Variants in NRXN2 observed in about 807,000 individuals in gnomAD.
The protein encoded by NRXN2 is neurexin-2-beta.
In NRXN2, 29 loss-of-function variants were observed where a neutral mutation model predicts 128.8. The observed-to-expected ratio is 0.23, with a 90% CI of 0.17 to 0.31. The LOEUF (loss-of-function observed/expected upper bound fraction) is 0.31, where lower values mean the gene tolerates loss of function less well. Among genes scored for constraint, NRXN2 ranks in the 10% least tolerant of loss-of-function variants. The pLI is 1.00. For missense variants in NRXN2, 1,881 were observed against 2,452.6 expected (o/e 0.77, Z 4.92); for synonymous variants, 1,098 against 1,075.2 (o/e 1.02, Z -0.41).
chr11:64,697,726 C>G (rs2054761480), intron 3 of NRXN2, 49 bp downstream of exon 3: 1 of 1,610,360 alleles, frequency 6.2e-7, no homozygotes, highest in Non-Finnish European at 8.5e-7. Flanking sequence ...CATGTAGGAT[C>G]CCCATGGCAA....
In NRXN2 at chr11:64,677,032, T is replaced by C. The variant is rs150055989; in HGVS notation, c.1158A>G (p.Ala386=). The C allele has an allele frequency of 1.7e-4, 252 of 1,482,524 alleles. No homozygotes were observed. In the African/African-American group the frequency reaches 3.5e-3, roughly 20 times the overall value. 91.8% of individuals were successfully genotyped at this position (1,482,524 alleles called of 1,614,324 possible). A position where few individuals can be genotyped will look rare whatever the true frequency, so the allele number is the denominator to read the frequency against. ...VRVTRNLRQH[A]GIGHAMVNKL... is the part of the protein sequence containing the mutation. The stretch of plus-strand genomic sequence containing the variant: ...TGTTTACCATAGCGTGTCCAATCCC[T>C]GCGTGCTTCACCGGAGATATGGGGG... The change falls in exon 7 of 23, where the codon GCA becomes GCG. Residue 386 remains alanine, a synonymous_variant. Coordinates refer to ENST00000265459, the MANE Select transcript of NRXN2 (RefSeq NM_015080.4).
At position 64,622,623 on chromosome 11, in the gene NRXN2, G is replaced by T. The variant is rs536594941; in HGVS notation, c.4173+130C>A. ...CCATCGCCATGGCAACAAAGTCAGC[G>T]ACAGCAGCCTTCAGGATCCCAACAG... On this transcript the variant is annotated intron_variant, in intron 21 of 22. Coordinates refer to ENST00000265459, the MANE Select transcript of NRXN2 (RefSeq NM_015080.4). The surrounding 1 kb of genome is among the most constrained non-coding windows in gnomAD (Gnocchi z 4.3). The T allele has an allele frequency of 1.5e-6, 2 of 1,348,124 alleles. No individual in the cohort carries two copies. Among genetic ancestry groups the T allele is most frequent in the Admixed American group, 2.1e-5 (1 of 46,760 alleles). The allele number at this position is 1,348,124 out of a possible 1,614,324, so 83.5% of individuals were successfully genotyped here.
intron 17 of NRXN2, among the ~76,000 whole-genome samples, chr11:64,646,878 G>C (rs1299001970): frequency 6.6e-6 from 1 of 152,210 alleles, no homozygotes; most frequent in Non-Finnish European, 1.5e-5. Context: ...AGCAGGTCAA[G>C]TAAGGAAAAT....
At chr11:64,650,302 G>T in intron 15 of NRXN2, 146 bp downstream of exon 15, 2 of 814,308 alleles carry the variant, frequency 2.5e-6, no homozygotes, top group Admixed American at 1.9e-5. Flanking sequence ...GAAGATGTCA[G>T]GCTGGACATA....
chr11:64,634,047 G>A (rs1450716087), intron 18 of NRXN2, among the ~76,000 whole-genome samples: 2 of 152,106 alleles, frequency 1.3e-5, no homozygotes, highest in Admixed American at 6.5e-5. Flanking sequence ...TGTAATGAAG[G>A]CCAGTGGCTG....
At position 64,635,950 on chromosome 11, in the gene NRXN2, C is replaced by T. The variant is rs528020604; in HGVS notation, c.3404-498G>A. 3.9e-4 allele frequency among the ~76,000 whole-genome samples: 60 copies of T among 152,224 alleles called. No homozygotes were observed. The highest frequency in any genetic ancestry group is 1.1e-3 in the Admixed American group (17 of 15,304). On this transcript the variant is annotated intron_variant, in intron 17 of 22. Transcript: ENST00000265459. The surrounding 1 kb of genome is among the most constrained non-coding windows in gnomAD (Gnocchi z 4.8). ...CAGAGCTGTGTGCAGCTCTGACTCACGGCCAGAGCTGGCGCCCTCCAACAT... is the reference window on the plus strand; with the variant it reads ...CAGAGCTGTGTGCAGCTCTGACTCATGGCCAGAGCTGGCGCCCTCCAACAT...
intron 3 of NRXN2, among the ~76,000 whole-genome samples, chr11:64,696,528 TACACACACACACACACAC>T (rs58158687): frequency 3.2e-3 from 443 of 138,860 alleles, no homozygotes; most frequent in Non-Finnish European, 5.7e-3. Context: ...CATACATACA[TACACACACACACACACAC>T]ACACACACAC....
intron 1 of NRXN2, among the ~76,000 whole-genome samples, chr11:64,719,119 T>C (rs527645996): frequency 3.2e-4 from 48 of 152,292 alleles, no homozygotes; most frequent in Non-Finnish European, 5.0e-4. Context: ...AAAAAGTGTG[T>C]CGTATTAATG....
At chr11:64,696,813 C>G (rs1427478664) in intron 3 of NRXN2, among the ~76,000 whole-genome samples, 2 of 152,180 alleles carry the variant, frequency 1.3e-5, no homozygotes, top group African/African-American at 4.8e-5. Context: ...CTCATGCCTG[C>G]TCTGCTGCCT....
At position 64,651,294 on chromosome 11, in the gene NRXN2, C is replaced by T; in HGVS notation, c.2879G>A (p.Gly960Asp). The T allele has an allele frequency of 6.2e-7, 1 of 1,614,176 alleles. No individual in the cohort carries two copies. The highest frequency in any genetic ancestry group is 8.5e-7 in the Non-Finnish European group (1 of 1,180,036). ...APDGLLLFNSGNGNDFIVIEL... is the reference protein window; with the variant it reads ...APDGLLLFNSDNGNDFIVIEL... ...GATGACAATGAAGTCATTGCCGTTG[C>T]CCGAGTTGAACAGAAGAAGCCCATC... Residue 960 changes from glycine (G) to aspartate (D), a missense_variant, in exon 14 of 23, where the codon GGC (glycine) becomes GAC (aspartate). Gly to Asp is a moderately conservative substitution (Grantham distance 94, BLOSUM62 -1). Transcript: ENST00000265459. This position sits in a 1 kb window ranked among gnomAD's most constrained non-coding sequence, Gnocchi z 5.9.
At chr11:64,652,981 C>T (rs2047693556) in intron 12 of NRXN2, among the ~76,000 whole-genome samples, 1 of 151,022 alleles carries the variant, frequency 6.6e-6, no homozygotes, top group Non-Finnish European at 1.5e-5. Flanking sequence ...ACATGAAGAG[C>T]AGGGCGCCCA....
Position 64,648,846 on chromosome 11 carries a change from G to C in NRXN2, c.3171C>G (p.Ala1057=). The C allele has an allele frequency of 1.2e-6, 2 of 1,614,212 alleles. No individual in the cohort carries two copies. Among genetic ancestry groups the C allele is most frequent in the Non-Finnish European group, 1.7e-6 (2 of 1,180,030 alleles). The part of the protein sequence containing the change: ...NMFSNLPKLV[A]SRDGFQGCLA... The stretch of plus-strand genomic sequence containing the variant: ...GGCAGCCCTGAAAGCCATCCCGGGA[G>C]GCCACCAGCTTGGGCAGGTTGCTGA... Residue 1057 remains alanine, a synonymous_variant, in exon 16 of 23, where the codon GCC becomes GCG. Transcript: ENST00000265459. This position sits in a 1 kb window ranked among gnomAD's most constrained non-coding sequence, Gnocchi z 4.1.
At chr11:64,647,032 T>C (rs2046783375) in intron 17 of NRXN2, among the ~76,000 whole-genome samples, 1 of 152,062 alleles carries the variant, frequency 6.6e-6, no homozygotes, top group Non-Finnish European at 1.5e-5. Context: ...CTGGACCCAG[T>C]AGGTTTCTCC....
rs1408443040 is a variant in NRXN2, at chr11:64,660,990, G to A, written c.1948C>T (p.Leu650Phe). ...PLPPEVWTAALRAGYVGCVRD... is the reference protein window; with the variant it reads ...PLPPEVWTAAFRAGYVGCVRD... ...ACACAGCCCACGTAGCCTGCCCGGA[G>A]TGCTGCTGTCCACACCTCTGGGGGC... The change falls in exon 10 of 23, where the codon CTC becomes TTC. Residue 650 changes from leucine (L) to phenylalanine (F), a missense_variant. By Grantham distance (22) the Leu-to-Phe change is conservative. Transcript: ENST00000265459. The surrounding 1 kb of genome is among the most constrained non-coding windows in gnomAD (Gnocchi z 5.2). The A allele has an allele frequency of 6.2e-7, 1 of 1,613,850 alleles. No homozygotes were observed. The highest frequency in any genetic ancestry group is 8.5e-7 in the Non-Finnish European group (1 of 1,180,012).
Position 64,661,111 on chromosome 11 carries a change from C to T in NRXN2, c.1827G>A (p.Thr609=), listed in dbSNP as rs747384858. ...KGSISVNSRS[T]PFLATGDSEI... ...CGCTGTCTCCAGTGGCCAAGAACGG[C>T]GTGCTGCGACTATTCACTGAGATGG... The change falls in exon 10 of 23, where the codon ACG becomes ACA. Residue 609 remains threonine, a synonymous_variant. Transcript: ENST00000265459. 2.5e-6 allele frequency: 4 copies of T among 1,613,558 alleles called. No homozygotes were observed. Among genetic ancestry groups the T allele is most frequent in the East Asian group, 2.2e-5 (1 of 44,878 alleles).
At position 64,630,917 on chromosome 11, in the gene NRXN2, C is replaced by T. The variant is rs984704757; in HGVS notation, c.3586-344G>A. 1.3e-5 allele frequency among the ~76,000 whole-genome samples: 2 copies of T among 152,200 alleles called. No individual in the cohort carries two copies. The highest frequency in any genetic ancestry group is 2.9e-5 in the Non-Finnish European group (2 of 68,028). On this transcript the variant is annotated intron_variant, in intron 18 of 22. Transcript: ENST00000265459. This position sits in a 1 kb window ranked among gnomAD's most constrained non-coding sequence, Gnocchi z 4.6. ...AGGGGTGATCGGGCCAAGCTGGGGA[C>T]CAGCTCGGGGCATGGAGGGCAGAGG...
chr11:64,639,688 T>C (rs1171824316), intron 17 of NRXN2, among the ~76,000 whole-genome samples: 1 of 148,444 alleles, frequency 6.7e-6, no homozygotes, highest in Non-Finnish European at 1.5e-5. Flanking sequence ...ACAGGAAGAG[T>C]TGGGGGGGAT....
chr11:64,661,857 C>A (rs2049072283), intron 9 of NRXN2, among the ~76,000 whole-genome samples: 1 of 152,158 alleles, frequency 6.6e-6, no homozygotes, highest in Non-Finnish European at 1.5e-5. Flanking sequence ...CTGCGGCCAG[C>A]AAGGTGCACA....
chr11:64,696,386 G>A (rs1024474507), intron 3 of NRXN2, among the ~76,000 whole-genome samples: 3 of 152,018 alleles, frequency 2.0e-5, no homozygotes, highest in African/African-American at 4.8e-5. Context: ...CGATGGAGGC[G>A]CACAGCACAC....
Sources: allele counts gnomAD v4.1 joint callset (sites outside exome capture counted in the v4.1 genomes callset), GRCh38; gene constraint gnomAD v4.1.1; non-coding constraint Gnocchi (gnomAD v3.1); transcripts MANE v1.5; gene names NCBI Gene and HGNC (gene_info 2026-07-23, HGNC 2026-07-21).